KCND2: variants seen among roughly 807,000 people sequenced by gnomAD.
KCND2 encodes A-type voltage-gated potassium channel KCND2.
A neutral mutation model predicts 54.4 loss-of-function variants in KCND2; 16 were observed. The ratio of observed to expected loss-of-function variants is 0.29; its 90% CI spans 0.20 to 0.45. The LOEUF (loss-of-function observed/expected upper bound fraction) is 0.45. Among genes scored for constraint, KCND2 ranks in the 20% least tolerant of loss-of-function variants. The pLI is 1.00. For synonymous variants in KCND2, 317 were observed against 310.7 expected, an observed-to-expected ratio of 1.02 and a Z score of -0.21; for missense variants, 486 against 824.2, an observed-to-expected ratio of 0.59 and a Z score of 5.02.
At position 120,568,453 on chromosome 7, in the gene KCND2, G is replaced by T. The variant is rs532013403; in HGVS notation, c.1116-164450G>T. ...GATATATAGGAAGGAGAAATTAAGG[G>T]ATTCTATTTTCTTTCAAAGTACATT... On this transcript the variant is annotated intron_variant, in intron 1 of 5. Transcript: ENST00000331113. 7.2e-5 allele frequency among the ~76,000 whole-genome samples: 11 copies of T among 152,122 alleles called. No individual in the cohort carries two copies. In the East Asian group the frequency reaches 2.1e-3, roughly 29 times the overall value.
At chr7:120,388,907 C>T (rs28545432) in intron 1 of KCND2, among the ~76,000 whole-genome samples, 8 of 103,814 alleles carry the variant, frequency 7.7e-5, no homozygotes, top group Middle Eastern at 5.9e-3. Context: ...TATATATATA[C>T]ACACACATAC....
At chr7:120,678,343 T>TATA (rs1792092309) in intron 1 of KCND2, among the ~76,000 whole-genome samples, 2 of 120,272 alleles carry the variant, frequency 1.7e-5, no homozygotes, top group African/African-American at 3.2e-5. Flanking sequence ...GTATGATTAT[T>TATA]TATATATATA....
intron 1 of KCND2, among the ~76,000 whole-genome samples, chr7:120,595,644 A>G (rs1189594789): frequency 6.8e-6 from 1 of 146,788 alleles, no homozygotes; most frequent in African/African-American, 2.5e-5. Flanking sequence ...TTACCGTGTC[A>G]TTGCTAATAT....
Position 120,274,454 on chromosome 7 carries a change from A to G in KCND2, c.-179A>G. On this transcript the variant is annotated 5_prime_UTR_variant, in exon 1 of 6. Transcript: ENST00000331113. ...TTCCAAATACCTGTCTTGGAGGGAA[A>G]GTTGCCCTTCTGAGAACTGTGACTT... 1.4e-6 allele frequency: 1 copy of G among 714,748 alleles called. No individual in the cohort carries two copies. Among genetic ancestry groups the G allele is most frequent in the Non-Finnish European group, 2.5e-6 (1 of 400,208 alleles). The allele number at this position is 714,748 out of a possible 1,614,324, so 44.3% of individuals were successfully genotyped here.
chr7:120,578,679 G>C (rs1364355185), intron 1 of KCND2, among the ~76,000 whole-genome samples: 1 of 152,028 alleles, frequency 6.6e-6, no homozygotes, highest in East Asian at 1.9e-4. Context: ...GCCTGGCCAA[G>C]GTAGTGAAAC....
At chr7:120,714,074 A>G (rs1386409146) in intron 1 of KCND2, among the ~76,000 whole-genome samples, 1 of 152,188 alleles carries the variant, frequency 6.6e-6, no homozygotes, top group East Asian at 1.9e-4. Context: ...ATCAATTATT[A>G]TTTAATCTCT....
intron 1 of KCND2, among the ~76,000 whole-genome samples, chr7:120,547,325 C>T (rs1435317171): frequency 6.6e-6 from 1 of 151,922 alleles, no homozygotes. Flanking sequence ...AAATCATTCT[C>T]CATTCTACTC....
chr7:120,744,754 T>G (rs1317140027), intron 4 of KCND2, among the ~76,000 whole-genome samples: 1 of 152,160 alleles, frequency 6.6e-6, no homozygotes, highest in Non-Finnish European at 1.5e-5. Flanking sequence ...TACTCATATT[T>G]TAGGATGAGA....
chr7:120,484,246 A>G (rs184271739), intron 1 of KCND2, among the ~76,000 whole-genome samples: 1 of 152,196 alleles, frequency 6.6e-6, no homozygotes, highest in East Asian at 1.9e-4. Flanking sequence ...ATGATCAACT[A>G]ATCATAAGTT....
At chr7:120,547,732 G>A (rs1792060234) in intron 1 of KCND2, among the ~76,000 whole-genome samples, 1 of 152,052 alleles carries the variant, frequency 6.6e-6, no homozygotes, top group Admixed American at 6.6e-5. Flanking sequence ...GTGCCAGAAC[G>A]ACTAACAGGT....
At chr7:120,671,251 T>C (rs1263760477) in intron 1 of KCND2, among the ~76,000 whole-genome samples, 1 of 152,054 alleles carries the variant, frequency 6.6e-6, no homozygotes, top group Non-Finnish European at 1.5e-5. Context: ...AGATTTTCAT[T>C]AGGAGCATGC....
chr7:120,526,701 A>G (rs1460731807), intron 1 of KCND2, among the ~76,000 whole-genome samples: 1 of 152,180 alleles, frequency 6.6e-6, no homozygotes, highest in Non-Finnish European at 1.5e-5. Flanking sequence ...CCAAGTTTTG[A>G]TAATTATTCA....
At chr7:120,596,169 T>C (rs1479765262) in intron 1 of KCND2, among the ~76,000 whole-genome samples, 1 of 152,162 alleles carries the variant, frequency 6.6e-6, no homozygotes, top group Non-Finnish European at 1.5e-5. Context: ...AAAATGTAGG[T>C]AAGGATATAT....
intron 1 of KCND2, among the ~76,000 whole-genome samples, chr7:120,583,778 G>A (rs955581257): frequency 4.1e-3 from 251 of 61,874 alleles, no homozygotes; most frequent in Admixed American, 9.1e-3. Flanking sequence ...TTCAGCATAG[G>A]AATTGTGGGG....
chr7:120,396,100 A>G (rs567435321), intron 1 of KCND2, among the ~76,000 whole-genome samples: 1 of 150,612 alleles, frequency 6.6e-6, no homozygotes, highest in Non-Finnish European at 1.5e-5. Flanking sequence ...AGTCAGATTA[A>G]TAGGTACAAG....
rs1007435120 is a variant in KCND2, at chr7:120,733,200, A to G, written c.1278+135A>G. On this transcript the variant is annotated intron_variant, in intron 2 of 5. Transcript: ENST00000331113. ...CAATCAGGACCGAGTAGGTTATTCT[A>G]CACTAAAAAGAAACGTAACATCTCA... 3 of 809,704 alleles carry G rather than the reference A, an allele frequency of 3.7e-6. No homozygotes were observed. In the African/African-American group the frequency reaches 5.2e-5, roughly 14 times the overall value. The allele number at this position is 809,704 out of a possible 1,614,324, so 50.2% of individuals were successfully genotyped here.
rs1792962566 is a variant in KCND2, at chr7:120,612,033, T to C, written c.1116-120870T>C. Among the ~76,000 whole-genome samples, 3 of 152,250 alleles carry C rather than the reference T, an allele frequency of 2.0e-5. 1 individual carries two copies. The South Asian group carries it at 6.2e-4, about 32-fold the overall frequency. ...GCACTTAATCCAAAATGAATGCAGA[T>C]AATTACTTCTTACAACTCTCCTAAT... On this transcript the variant is annotated intron_variant, in intron 1 of 5. Transcript: ENST00000331113.
chr7:120,538,592 C>T (rs1483733495), intron 1 of KCND2, among the ~76,000 whole-genome samples: 1 of 152,150 alleles, frequency 6.6e-6, no homozygotes, highest in African/African-American at 2.4e-5. Context: ...GCCACCAGCA[C>T]TGGGCACTGC....
At chr7:120,577,931 C>T (rs1236320597) in intron 1 of KCND2, among the ~76,000 whole-genome samples, 1 of 151,994 alleles carries the variant, frequency 6.6e-6, no homozygotes, top group Non-Finnish European at 1.5e-5. Flanking sequence ...CCAGGCATGG[C>T]AGTTCACACC....
Sources: gnomAD v4.1 joint callset for allele counts (sites outside exome capture counted in the v4.1 genomes callset) on GRCh38, gnomAD v4.1.1 for gene constraint, MANE v1.5 for transcripts, NCBI Gene and HGNC (gene_info 2026-07-23, HGNC 2026-07-21) for gene names.